Variants in ZBTB38 observed in about 807,000 individuals in gnomAD.
ZBTB38 encodes zinc finger and BTB domain containing 38, also known as zinc finger and BTB domain-containing protein 38.
Under a neutral mutation model 76.8 loss-of-function variants are expected in ZBTB38, and 20 were observed. The ratio of observed to expected loss-of-function variants is 0.26; its 90% CI spans 0.18 to 0.38. ZBTB38 has a LOEUF of 0.38. Among genes scored for constraint, ZBTB38 ranks in the 10% least tolerant of loss-of-function variants. The probability of loss-of-function intolerance (pLI) is 1.00; values close to 1 mark genes in which losing one functional copy is unlikely to be tolerated. For missense variants in ZBTB38, 1,082 were observed against 1,482.3 expected (o/e 0.73, Z 4.43); for synonymous variants, 504 against 544.2 (o/e 0.93, Z 1.03).
intron 1 of ZBTB38, among the ~76,000 whole-genome samples, chr3:141,345,778 A>G (rs962688109): frequency 6.6e-6 from 1 of 151,922 alleles, no homozygotes; most frequent in East Asian, 1.9e-4. Flanking sequence ...GATAGGTTCC[A>G]ATGCTAGTTT....
chr3:141,356,300 C>T (rs1273081049), intron 1 of ZBTB38, among the ~76,000 whole-genome samples: 6 of 152,094 alleles, frequency 3.9e-5, no homozygotes, highest in Non-Finnish European at 7.4e-5. Flanking sequence ...TAGGACTGCT[C>T]ATACAGTGGC....
chr3:141,360,454 A>C (rs1251755229), intron 1 of ZBTB38, among the ~76,000 whole-genome samples: 1 of 152,232 alleles, frequency 6.6e-6, no homozygotes, highest in East Asian at 1.9e-4. Flanking sequence ...CGGCCTAATC[A>C]ACCACCAAAG....
At chr3:141,336,624 C>G (rs1336907558) in intron 1 of ZBTB38, among the ~76,000 whole-genome samples, 2 of 152,156 alleles carry the variant, frequency 1.3e-5, no homozygotes, top group African/African-American at 4.8e-5. Context: ...GCTGGGATTA[C>G]AGGTGTGAGC....
intron 3 of ZBTB38, chr3:141,384,869 G>A (rs998255904): frequency 6.6e-6 from 1 of 152,186 alleles, no homozygotes; most frequent in African/African-American, 2.4e-5. Flanking sequence ...CTCTTGCTAT[G>A]GTTCAGGTAT....
intron 1 of ZBTB38, among the ~76,000 whole-genome samples, chr3:141,344,692 G>A (rs773256080): frequency 6.6e-6 from 1 of 152,154 alleles, no homozygotes; most frequent in African/African-American, 2.4e-5. Flanking sequence ...TTCAAAGCCA[G>A]CATTGTGCAT....
chr3:141,407,672 C>G (rs999802697), intron 5 of ZBTB38, among the ~76,000 whole-genome samples: 2 of 152,170 alleles, frequency 1.3e-5, no homozygotes, highest in African/African-American at 4.8e-5. Context: ...AATGTAGATT[C>G]CCAGGTGGGG....
intron 5 of ZBTB38, among the ~76,000 whole-genome samples, chr3:141,424,614 A>G (rs886940292): frequency 5.3e-5 from 8 of 152,100 alleles, no homozygotes; most frequent in Non-Finnish European, 7.3e-5. Context: ...TATTTAAATG[A>G]TAGTTATAAT....
chr3:141,440,163 A>T (rs1388023195), intron 5 of ZBTB38, among the ~76,000 whole-genome samples: 1 of 152,240 alleles, frequency 6.6e-6, no homozygotes, highest in African/African-American at 2.4e-5. Context: ...AATAAAGAAA[A>T]TGAAACAATA....
At position 141,430,055 on chromosome 3, in the gene ZBTB38, T is replaced by TTTTTG. The variant is rs574326965; in HGVS notation, c.1-12314_1-12310dup. On this transcript the variant is annotated intron_variant, in intron 5 of 5. Transcript: ENST00000321464. Reference sequence around the variant, plus strand: ...CTCATTTGTGGGTTTGTTTTTTCGTTTTTTGTTTTGTTTTGTTTTGTTTTT... The same window carrying TTTTTG: ...CTCATTTGTGGGTTTGTTTTTTCGTTTTTTGTTTTGTTTTGTTTTGTTTTGTTTTT... Among the ~76,000 whole-genome samples the TTTTTG allele has an allele frequency of 8.4e-3, 1,285 of 152,100 alleles. 27 individuals carry two copies. The highest frequency in any genetic ancestry group is 0.03 in the African/African-American group (1,244 of 41,486).
At position 141,444,231 on chromosome 3, in the gene ZBTB38, A is replaced by C; in HGVS notation, c.1843A>C (p.Thr615Pro). Residue 615 changes from threonine (T) to proline (P), a missense_variant, in exon 6 of 6, where the codon ACG (threonine) becomes CCG (proline). Thr to Pro is a conservative substitution (Grantham distance 38). This residue lies in a region of ZBTB38 where 471 missense variants were observed against 581.0 expected (regional missense o/e 0.81). Transcript: ENST00000321464. The surrounding 1 kb of genome is among the most constrained non-coding windows in gnomAD (Gnocchi z 5.1). ...VQNPHSSELP[T>P]LNFQDTVNTL... ...GAATCCACACAGCTCTGAATTACCA[A>C]CGCTGAATTTCCAAGATACTGTAAA... is the stretch of plus-strand genomic sequence containing the variant. The C allele has an allele frequency of 1.9e-6, 3 of 1,614,198 alleles. No individual in the cohort carries two copies. The highest frequency in any genetic ancestry group is 2.5e-6 in the Non-Finnish European group (3 of 1,180,030).
chr3:141,369,604 C>G (rs1439082481), intron 1 of ZBTB38, among the ~76,000 whole-genome samples: 1 of 152,190 alleles, frequency 6.6e-6, no homozygotes, highest in Non-Finnish European at 1.5e-5. Context: ...TTCCCGGCTT[C>G]TAAGTCATCC....
chr3:141,434,112 G>A, intron 5 of ZBTB38: 2 of 775,510 alleles, frequency 2.6e-6, no homozygotes, highest in South Asian at 1.2e-4. Flanking sequence ...GAGCTCATAG[G>A]GAAGATATAA....
At chr3:141,324,713 G>A (rs1269627226) in intron 1 of ZBTB38, among the ~76,000 whole-genome samples, 1 of 152,160 alleles carries the variant, frequency 6.6e-6, no homozygotes, top group Non-Finnish European at 1.5e-5. Context: ...AAGGAGGGCA[G>A]AAGAGAAAGA....
intron 1 of ZBTB38, among the ~76,000 whole-genome samples, chr3:141,337,627 G>C (rs1363226341): frequency 6.6e-6 from 1 of 152,154 alleles, no homozygotes; most frequent in Non-Finnish European, 1.5e-5. Context: ...ATTTTTAGTT[G>C]ATAAATTGTG....
intron 1 of ZBTB38, among the ~76,000 whole-genome samples, chr3:141,330,507 A>G (rs78057748): frequency 6.6e-6 from 1 of 152,216 alleles, no homozygotes; most frequent in Admixed American, 6.5e-5. Flanking sequence ...TGGAAAGAAC[A>G]CAGCCTCTGA....
intron 4 of ZBTB38, among the ~76,000 whole-genome samples, chr3:141,393,768 T>G (rs1296065070): frequency 6.6e-6 from 1 of 150,528 alleles, no homozygotes; most frequent in Non-Finnish European, 1.5e-5. Flanking sequence ...AGGGAGAAAG[T>G]GGGAAGGGGT....
At chr3:141,410,639 G>A (rs772330550) in intron 5 of ZBTB38, among the ~76,000 whole-genome samples, 9 of 152,320 alleles carry the variant, frequency 5.9e-5, no homozygotes, top group South Asian at 4.1e-4. Flanking sequence ...GTAGGACACC[G>A]TGATGCAAAG....
intron 5 of ZBTB38, chr3:141,432,242 A>G (rs992772625): frequency 4.8e-5 from 47 of 985,362 alleles, no homozygotes; most frequent in Non-Finnish European, 5.5e-5. Flanking sequence ...GCAGGATTCC[A>G]GGTCAGTATC....
rs747085274 is a variant in ZBTB38 at position 141,449,424 on chromosome 3, G to A, written c.*3448G>A. On this transcript the variant is annotated 3_prime_UTR_variant, in exon 6 of 6. Transcript: ENST00000321464. ...TTTTTTAAGGATATGGAGTAAAATT[G>A]TAATAGCATTATAAGCTGGTAATTT... 2 of 152,162 alleles carry A rather than the reference G, an allele frequency of 1.3e-5. No homozygotes were observed. Among genetic ancestry groups the A allele is most frequent in the African/African-American group, 4.8e-5 (2 of 41,432 alleles). The allele number at this position is 152,162 out of a possible 1,614,324, so 9.4% of individuals were successfully genotyped here.
Sources: allele counts gnomAD v4.1 joint callset (sites outside exome capture counted in the v4.1 genomes callset), GRCh38; gene constraint gnomAD v4.1.1; regional missense constraint gnomAD v4.1.1; non-coding constraint Gnocchi (gnomAD v3.1); transcripts MANE v1.5; gene names NCBI Gene and HGNC (gene_info 2026-07-23, HGNC 2026-07-21).